Variants in SDC4 observed in about 807,000 individuals in gnomAD.
The protein encoded by SDC4 is syndecan 4.
Under a neutral mutation model 20.5 loss-of-function variants are expected in SDC4, and 17 were observed. The ratio of observed to expected loss-of-function variants is 0.83; its 90% confidence interval spans 0.57 to 1.25. SDC4 has a LOEUF of 1.25. Ranked by LOEUF, SDC4 falls within the 50% of genes most tolerant of loss-of-function variation. The pLI is 0.00. For missense variants in SDC4, 241 were observed against 252.3 expected (o/e 0.96, Z 0.30); for synonymous variants, 107 against 105.3 (o/e 1.02, Z -0.10).
intron 1 of SDC4, chr20:45,345,567 C>T (rs1988020215): frequency 6.6e-6 from 1 of 152,278 alleles, no homozygotes; most frequent in African/African-American, 2.4e-5. Flanking sequence ...GCCCCCACCC[C>T]TACTCCCATG....
At chr20:45,337,824 G>A (rs915762717) in intron 1 of SDC4, among the ~76,000 whole-genome samples, 1 of 152,228 alleles carries the variant, frequency 6.6e-6, no homozygotes, top group African/African-American at 2.4e-5. Flanking sequence ...GCAGTGGCCA[G>A]GAATCACTCT....
rs11905930 is a variant in SDC4, at chr20:45,338,549, C to G, written c.61-2629G>C. On this transcript the variant is annotated intron_variant, in intron 1 of 4. Transcript: ENST00000372733. ...TTGTTTATGCATCCAGCCTCTCTTT[C>G]AGTATGTGAAAGTGCTAAGAGGTAT... is the stretch of plus-strand genomic sequence containing the variant. Among the ~76,000 whole-genome samples the G allele has an allele frequency of 6.1e-3, 924 of 152,294 alleles. 4 individuals are homozygous for G. Among genetic ancestry groups the G allele is most frequent in the African/African-American group, 0.021 (888 of 41,560 alleles).
At chr20:45,336,037 GAGA>G in intron 1 of SDC4, 117 bp from the exon 2 acceptor site, 2 of 1,104,364 alleles carry the variant, frequency 1.8e-6, no homozygotes, top group Non-Finnish European at 2.6e-6. Flanking sequence ...CCAGGGCCTG[GAGA>G]CCTGCGTCCT....
chr20:45,341,065 G>A (rs1987946030), intron 1 of SDC4, among the ~76,000 whole-genome samples: 1 of 152,216 alleles, frequency 6.6e-6, no homozygotes, highest in Non-Finnish European at 1.5e-5. Context: ...CCTCTTTTGT[G>A]ACTAGGGCTG....
chr20:45,336,035 T>A, intron 1 of SDC4, 115 bp from the exon 2 acceptor site: 1 of 1,142,622 alleles, frequency 8.8e-7, no homozygotes, highest in Non-Finnish European at 1.2e-6. Context: ...GGCCAGGGCC[T>A]GGAGACCTGC....
chr20:45,334,380 C>A (rs1368307703), intron 2 of SDC4, among the ~76,000 whole-genome samples: 3 of 151,920 alleles, frequency 2.0e-5, no homozygotes, highest in African/African-American at 4.8e-5. Flanking sequence ...ATTTCCTGGG[C>A]GACTATGTGA....
intron 3 of SDC4, among the ~76,000 whole-genome samples, chr20:45,331,170 G>A (rs981522463): frequency 6.6e-6 from 1 of 152,108 alleles, no homozygotes; most frequent in Admixed American, 6.5e-5. Flanking sequence ...GGAGACTCCC[G>A]AATCAAAGGA....
intron 4 of SDC4, among the ~76,000 whole-genome samples, chr20:45,330,161 T>G (rs1987753727): frequency 6.6e-6 from 1 of 152,162 alleles, no homozygotes. Context: ...GATAGGTGCT[T>G]TTTCCTCTCC....
chr20:45,332,365 T>G (rs1455683017), intron 3 of SDC4, among the ~76,000 whole-genome samples: 1 of 152,114 alleles, frequency 6.6e-6, no homozygotes, highest in Non-Finnish European at 1.5e-5. Context: ...TTCACCATGT[T>G]GGCCAGGCTG....
intron 1 of SDC4, among the ~76,000 whole-genome samples, chr20:45,347,894 C>G (rs2072785): frequency 6.6e-6 from 1 of 151,488 alleles, no homozygotes; most frequent in African/African-American, 2.4e-5. Context: ...CTCCCCCTTC[C>G]GAGTACACGC....
intron 4 of SDC4, among the ~76,000 whole-genome samples, chr20:45,329,591 C>A (rs939909438): frequency 6.6e-6 from 1 of 152,176 alleles, no homozygotes; most frequent in Non-Finnish European, 1.5e-5. Flanking sequence ...CAGGCTCTGT[C>A]CCTATAGCTC....
intron 1 of SDC4, among the ~76,000 whole-genome samples, chr20:45,347,245 C>T (rs1256647593): frequency 6.6e-6 from 1 of 152,174 alleles, no homozygotes; most frequent in Non-Finnish European, 1.5e-5. Context: ...AGCCCCAAGG[C>T]TTTCAAAGAA....
intron 3 of SDC4, among the ~76,000 whole-genome samples, chr20:45,331,413 G>T (rs1020635977): frequency 6.6e-6 from 1 of 152,138 alleles, no homozygotes; most frequent in Non-Finnish European, 1.5e-5. Context: ...TCTTACAAAA[G>T]GGAGGGGGAA....
chr20:45,337,191 C>T (rs535188155), intron 1 of SDC4, among the ~76,000 whole-genome samples: 1 of 152,298 alleles, frequency 6.6e-6, no homozygotes, highest in South Asian at 2.1e-4. Context: ...ATCACCCTTC[C>T]TCCAGCTTCT....
intron 3 of SDC4, among the ~76,000 whole-genome samples, 195 bp downstream of exon 3, chr20:45,332,828 A>T (rs1987798735): frequency 6.6e-6 from 1 of 150,730 alleles, no homozygotes; most frequent in South Asian, 2.1e-4. Context: ...TCCTGACCTC[A>T]AGCCTCCCAA....
intron 2 of SDC4, among the ~76,000 whole-genome samples, chr20:45,333,938 C>T (rs1276984815): frequency 7.9e-6 from 1 of 126,660 alleles, no homozygotes; most frequent in Non-Finnish European, 1.7e-5. Flanking sequence ...AAAAATAATT[C>T]ATTGGTTAAA....
rs750355782 is a variant in SDC4, at chr20:45,330,380, G to A, written c.431C>T (p.Thr144Met). The change falls in exon 4 of 5, where the codon ACG becomes ATG. Residue 144 changes from threonine (T) to methionine (M), a missense_variant. Transcript: ENST00000372733. The part of the protein sequence containing the change: ...TVQGSNIFER[T>M]EVLAALIVGG... ...TGGGGACTTACCTGCCAGGACCTCC[G>A]TTCTCTCAAAGATGTTGCTGCCCTG... 174 of 1,613,956 alleles carry A rather than the reference G, an allele frequency of 1.1e-4. No homozygotes were observed. Among genetic ancestry groups the A allele is most frequent in the South Asian group, 1.8e-4 (16 of 91,076 alleles).
intron 4 of SDC4, 123 bp from the exon 5 acceptor site, chr20:45,327,538 G>T: frequency 1.8e-6 from 2 of 1,140,636 alleles, no homozygotes; most frequent in Non-Finnish European, 2.4e-6. Context: ...ACCACTGCCT[G>T]TGCCAGGCAA....
intron 1 of SDC4, among the ~76,000 whole-genome samples, chr20:45,338,648 A>C (rs929349840): frequency 1.3e-5 from 2 of 152,230 alleles, no homozygotes; most frequent in African/African-American, 4.8e-5. Context: ...AGAGAAATGA[A>C]GGCTATGAGC....
Sources: allele counts gnomAD v4.1 joint callset (sites outside exome capture counted in the v4.1 genomes callset), GRCh38; gene constraint gnomAD v4.1.1; transcripts MANE v1.5; gene names NCBI Gene and HGNC (gene_info 2026-07-23, HGNC 2026-07-21).